Variants in ZNF766 observed in about 807,000 individuals in gnomAD.
ZNF766 encodes zinc finger protein 766.
In ZNF766, 13 loss-of-function variants were observed where a neutral mutation model predicts 13.2. The ratio of observed to expected loss-of-function variants is 0.98; its 90% CI spans 0.64 to 1.56. The LOEUF (loss-of-function observed/expected upper bound fraction) is 1.56. Among genes scored for constraint, ZNF766 ranks in the 40% most tolerant of loss-of-function variants. ZNF766 has a pLI of 0.00. For synonymous variants in ZNF766, 178 were observed against 187.6 expected (o/e 0.95, Z 0.42); for missense variants, 521 against 552.2 (o/e 0.94, Z 0.57).
At position 52,288,021 on chromosome 19, in the gene ZNF766, CTT is replaced by C. The variant is rs1340688656; in HGVS notation, c.275-2041_275-2040del. 7.1e-6 allele frequency: 3 copies of C among 423,090 alleles called. No homozygotes were observed. In the East Asian group the frequency reaches 2.2e-4, roughly 32 times the overall value. 26.2% of individuals were successfully genotyped at this position (423,090 alleles called of 1,614,324 possible). A position where few individuals can be genotyped will look rare whatever the true frequency, so the allele number is the denominator to read the frequency against. The stretch of plus-strand genomic sequence containing the variant: ...CTGCTATCTTAGTGTTCATTTTTTT[CTT>C]TTTCTTTTTTTTTTTGAGATGGAGT... On this transcript the variant is annotated intron_variant, in intron 3 of 3. Coordinates refer to ENST00000439461, the MANE Select transcript of ZNF766 (RefSeq NM_001010851.3).
intron 1 of ZNF766, among the ~76,000 whole-genome samples, chr19:52,278,271 G>C (rs1225791578): frequency 6.6e-6 from 1 of 152,118 alleles, no homozygotes; most frequent in Non-Finnish European, 1.5e-5. Flanking sequence ...TCTGACTAAT[G>C]AGATGGTATC....
intron 1 of ZNF766, chr19:52,277,410 G>T: frequency 7.0e-7 from 1 of 1,428,342 alleles, no homozygotes; most frequent in Non-Finnish European, 9.5e-7. Flanking sequence ...AGTGAGCTGA[G>T]ATCGGGCCAC....
chr19:52,291,279 A>G lies in ZNF766; in HGVS notation c.*81A>G, dbSNP rs780931661. ...TAGAAAGAAATCATTTAAATGTACTATATGTGGCACAGGCTGTATCGAGAC... is the reference window on the plus strand; with the variant it reads ...TAGAAAGAAATCATTTAAATGTACTGTATGTGGCACAGGCTGTATCGAGAC... On this transcript the variant is annotated 3_prime_UTR_variant, in exon 4 of 4. Transcript: ENST00000439461. 30 of 1,364,828 alleles carry G rather than the reference A, an allele frequency of 2.2e-5. No individual in the cohort carries two copies. The highest frequency in any genetic ancestry group is 3.0e-5 in the Non-Finnish European group (30 of 1,003,166). 84.5% of individuals were successfully genotyped at this position (1,364,828 alleles called of 1,614,324 possible). A position where few individuals can be genotyped will look rare whatever the true frequency, so the allele number is the denominator to read the frequency against.
intron 1 of ZNF766, among the ~76,000 whole-genome samples, chr19:52,272,363 T>C (rs1981014237): frequency 6.6e-6 from 1 of 152,236 alleles, no homozygotes; most frequent in South Asian, 2.1e-4. Flanking sequence ...TCTCTAAGTT[T>C]AATTACTTTG....
chr19:52,270,351 G>A (rs1467593497), intron 1 of ZNF766, among the ~76,000 whole-genome samples: 1 of 152,190 alleles, frequency 6.6e-6, no homozygotes, highest in African/African-American at 2.4e-5. Context: ...CAGAGGGAGG[G>A]TGAGAGATTT....
chr19:52,287,134 C>T (rs1360243317), intron 3 of ZNF766, among the ~76,000 whole-genome samples: 1 of 151,432 alleles, frequency 6.6e-6, no homozygotes, highest in East Asian at 1.9e-4. Flanking sequence ...CGTGCCCGAC[C>T]TGCTCTGCAG....
At chr19:52,288,749 T>G (rs948196772) in intron 3 of ZNF766, among the ~76,000 whole-genome samples, 1 of 151,706 alleles carries the variant, frequency 6.6e-6, no homozygotes, top group African/African-American at 2.4e-5. Flanking sequence ...CAGCACTATT[T>G]TTATTGCATT....
At chr19:52,279,475 C>T (rs557553424) in intron 1 of ZNF766, among the ~76,000 whole-genome samples, 5 of 152,014 alleles carry the variant, frequency 3.3e-5, no homozygotes, top group Admixed American at 2.0e-4. Context: ...TTAATTATAT[C>T]GATTCTTCTT....
At chr19:52,270,364 A>G (rs181631905) in intron 1 of ZNF766, among the ~76,000 whole-genome samples, 5 of 152,274 alleles carry the variant, frequency 3.3e-5, no homozygotes, top group Admixed American at 1.3e-4. Flanking sequence ...AGAGATTTGC[A>G]AAGTGAAAGA....
intron 3 of ZNF766, among the ~76,000 whole-genome samples, chr19:52,286,754 A>G (rs1015810963): frequency 1.3e-5 from 2 of 152,182 alleles, no homozygotes; most frequent in African/African-American, 4.8e-5. Flanking sequence ...GGTGTGATCC[A>G]TTTTAATATG....
chr19:52,280,829 C>T lies in ZNF766; in HGVS notation c.19-1282C>T, dbSNP rs984418411. Among the ~76,000 whole-genome samples the T allele has an allele frequency of 7.3e-5, 11 of 151,462 alleles. No homozygotes were observed. The South Asian group carries it at 1.0e-3, about 14-fold the overall frequency. The stretch of plus-strand genomic sequence containing the variant: ...TCTCCTGACCCCATGATCCACCTGC[C>T]TCGGCCTCCCAAAGTGCTGGGATTA... On this transcript the variant is annotated intron_variant, in intron 1 of 3. Coordinates refer to ENST00000439461, the MANE Select transcript of ZNF766 (RefSeq NM_001010851.3).
chr19:52,272,625 C>T (rs1363300384), intron 1 of ZNF766, among the ~76,000 whole-genome samples: 1 of 152,090 alleles, frequency 6.6e-6, no homozygotes, highest in Non-Finnish European at 1.5e-5. Flanking sequence ...TACCACCACA[C>T]CTGAGTAATT....
chr19:52,277,091 G>A (rs889843704), intron 1 of ZNF766: 1 of 1,008,176 alleles, frequency 9.9e-7, no homozygotes, highest in Non-Finnish European at 1.2e-6. Flanking sequence ...TGCGTGTGTG[G>A]TTGTGGCACA....
intron 1 of ZNF766, among the ~76,000 whole-genome samples, chr19:52,273,683 A>G (rs1384347091): frequency 6.6e-6 from 1 of 151,678 alleles, no homozygotes; most frequent in Non-Finnish European, 1.5e-5. Flanking sequence ...TACATTTAAC[A>G]CTCCAGCTAC....
chr19:52,287,432 C>T (rs987406975), intron 3 of ZNF766, among the ~76,000 whole-genome samples: 2 of 152,088 alleles, frequency 1.3e-5, no homozygotes, highest in East Asian at 1.9e-4. Context: ...TGAGCCACTA[C>T]GCCCAGCCTG....
At chr19:52,280,524 C>A (rs534683192) in intron 1 of ZNF766, among the ~76,000 whole-genome samples, 1 of 152,120 alleles carries the variant, frequency 6.6e-6, no homozygotes, top group South Asian at 2.1e-4. Flanking sequence ...CATGGATAAG[C>A]AAGCCTATAG....
intron 1 of ZNF766, among the ~76,000 whole-genome samples, chr19:52,273,720 T>G (rs1479255504): frequency 1.3e-5 from 2 of 152,332 alleles, no homozygotes; most frequent in African/African-American, 2.4e-5. Context: ...TGGTCCACAT[T>G]GCCTGCTCTG....
intron 3 of ZNF766, among the ~76,000 whole-genome samples, chr19:52,289,802 C>T (rs112173676): frequency 7.6e-4 from 115 of 152,102 alleles, no homozygotes; most frequent in Non-Finnish European, 1.5e-3. Flanking sequence ...AGATCGAGAC[C>T]ATCCTGGCTA....
rs765660679 is a variant in ZNF766, at chr19:52,290,251, T to G, written c.460T>G (p.Ser154Ala). 1 of 1,613,956 alleles carries G rather than the reference T, an allele frequency of 6.2e-7. No homozygotes were observed. Among genetic ancestry groups the G allele is most frequent in the Admixed American group, 1.7e-5 (1 of 60,018 alleles). Residue 154 changes from serine to alanine, a missense_variant, in exon 4 of 4, where the codon TCT (serine) becomes GCT (alanine). Ser to Ala is a moderately conservative substitution (Grantham distance 99, BLOSUM62 1). Coordinates refer to ENST00000439461, the MANE Select transcript of ZNF766 (RefSeq NM_001010851.3). The stretch of plus-strand genomic sequence containing the variant: ...AGTTTCGCCACTTCAAAGAATTTAC[T>G]CTGGGGTCAAAACCCACATATTTAA... ...SSVSPLQRIY[S>A]GVKTHIFNKH...
Sources: gnomAD v4.1 joint callset for allele counts (sites outside exome capture counted in the v4.1 genomes callset) on GRCh38, gnomAD v4.1.1 for gene constraint, MANE v1.5 for transcripts, NCBI Gene and HGNC (gene_info 2026-07-23, HGNC 2026-07-21) for gene names.